The following DNAI4 variants were observed in gnomAD, a reference collection of about 807,000 sequenced individuals.
DNAI4 encodes the protein dynein axonemal intermediate chain 4, also known as WD repeat domain 78.
Under a neutral mutation model 105.8 loss-of-function variants are expected in DNAI4, and 85 were observed. That is an observed-to-expected ratio of 0.80 (90% CI 0.67 to 0.96). The LOEUF (loss-of-function observed/expected upper bound fraction) is 0.96. Among genes scored for constraint, DNAI4 ranks in the 40% least tolerant of loss-of-function variants. The pLI is 0.00. For missense variants in DNAI4, 1,014 were observed against 1,005.6 expected (o/e 1.01, Z -0.11); for synonymous variants, 352 against 331.5 (o/e 1.06, Z -0.67).
Position 66,847,650 on chromosome 1 carries a change from T to G in DNAI4, c.1125A>C (p.Ile375=). 1 of 1,612,334 alleles carries G rather than the reference T, an allele frequency of 6.2e-7. No individual in the cohort carries two copies. Among genetic ancestry groups the G allele is most frequent in the East Asian group, 2.2e-5 (1 of 44,838 alleles). The change falls in exon 8 of 17, where the codon ATA becomes ATC. Residue 375 remains isoleucine (I), a synonymous_variant. Coordinates refer to ENST00000371026, the MANE Select transcript of DNAI4 (RefSeq NM_024763.5). The stretch of plus-strand genomic sequence containing the variant: ...GGATTTTTGCCAGAATTACATTTTC[T>G]ATGTCCATTAGAGAACTAGTTTCAC... ...KNSETSSLMD[I]ENVILAKIHE...
At chr1:66,898,220 C>A (rs1183454742) in intron 2 of DNAI4, among the ~76,000 whole-genome samples, 1 of 151,834 alleles carries the variant, frequency 6.6e-6, no homozygotes, top group Non-Finnish European at 1.5e-5. Flanking sequence ...ACCATTGTAT[C>A]TTGGAAGTAA....
At chr1:66,913,232 A>G (rs2100868920) in intron 1 of DNAI4, among the ~76,000 whole-genome samples, 1 of 152,204 alleles carries the variant, frequency 6.6e-6, no homozygotes, top group Non-Finnish European at 1.5e-5. Flanking sequence ...AGCTGGTCTT[A>G]ATTTCTCCTC....
At position 66,893,058 on chromosome 1, in the gene DNAI4, AGAGAG is replaced by A. The variant is rs1557965230; in HGVS notation, c.530+166_530+170del. Among the ~76,000 whole-genome samples, 322 of 100,548 alleles carry A rather than the reference AGAGAG, an allele frequency of 3.2e-3. 21 individuals carry two copies. The highest frequency in any genetic ancestry group is 0.012 in the African/African-American group (301 of 25,256). 66.0% of individuals were successfully genotyped at this position (100,548 alleles called of 152,430 possible). A position where few individuals can be genotyped will look rare whatever the true frequency, so the allele number is the denominator to read the frequency against. ...AGGAAAGAAAGAAAGAAAGAAAGAGAGAGAGAGAAAGAAAGAAAGAAAGAAAGAAA... is the reference window on the plus strand; with the variant it reads ...AGGAAAGAAAGAAAGAAAGAAAGAGAAGAAAGAAAGAAAGAAAGAAAGAAA... On this transcript the variant is annotated intron_variant, in intron 3 of 16. Coordinates refer to ENST00000371026, the MANE Select transcript of DNAI4 (RefSeq NM_024763.5).
At chr1:66,871,567 C>T (rs1233593646) in intron 5 of DNAI4, 58 bp from the exon 6 acceptor site, 2 of 1,419,382 alleles carry the variant, frequency 1.4e-6, no homozygotes, top group Non-Finnish European at 1.9e-6. Context: ...CACGTATTAT[C>T]TCTTTATATT....
intron 5 of DNAI4, among the ~76,000 whole-genome samples, chr1:66,872,243 T>TATTC (rs1646863353): frequency 6.6e-6 from 1 of 151,854 alleles, no homozygotes; most frequent in Non-Finnish European, 1.5e-5. Context: ...TTTATTTATT[T>TATTC]ATTGAGACGG....
rs1018590762 is a variant in DNAI4 at position 66,835,887 on chromosome 1, A to G, written c.1582-110T>C. 7.9e-6 allele frequency: 7 copies of G among 882,060 alleles called. No individual in the cohort carries two copies. In the African/African-American group the frequency reaches 1.0e-4, roughly 13 times the overall value. The allele number at this position is 882,060 out of a possible 1,614,324, so 54.6% of individuals were successfully genotyped here. On this transcript the variant is annotated intron_variant, in intron 10 of 16. Coordinates refer to ENST00000371026, the MANE Select transcript of DNAI4 (RefSeq NM_024763.5). The stretch of plus-strand genomic sequence containing the variant: ...TGGCAGTGGGTATGTGAGCAGAGTT[A>G]GCCCACATTCAGTTACTTCTGTCTT...
intron 5 of DNAI4, among the ~76,000 whole-genome samples, chr1:66,873,437 G>C (rs868770122): frequency 2.0e-4 from 31 of 151,396 alleles, no homozygotes; most frequent in African/African-American, 7.2e-4. Context: ...AAAAATTGTG[G>C]AGATAGGGCT....
At chr1:66,865,611 C>A (rs1646716661) in intron 6 of DNAI4, among the ~76,000 whole-genome samples, 2 of 152,136 alleles carry the variant, frequency 1.3e-5, no homozygotes, top group South Asian at 4.2e-4. Context: ...CTTGCTAATT[C>A]TTCCTTCCAG....
chr1:66,837,830 G>A (rs370029919), intron 9 of DNAI4, 34 bp from the exon 10 acceptor site: 77 of 1,548,874 alleles, frequency 5.0e-5, no homozygotes, highest in Admixed American at 2.3e-4. Context: ...AAAAATAAGA[G>A]AAGATAGCAT....
intron 6 of DNAI4, among the ~76,000 whole-genome samples, chr1:66,866,381 A>G (rs1646734437): frequency 1.3e-5 from 2 of 152,250 alleles, no homozygotes; most frequent in South Asian, 4.1e-4. Flanking sequence ...TAATGTACCT[A>G]AGTATTCTGT....
In DNAI4 at chr1:66,836,363, A is replaced by G. The variant is rs574145228; in HGVS notation, c.1582-586T>C. On this transcript the variant is annotated intron_variant, in intron 10 of 16. Transcript: ENST00000371026. ...AGGAAGGGAGGAAAGTAGGAAGGGA[A>G]GTACAGCACAGCCTTCTACAATAAT... Among the ~76,000 whole-genome samples the G allele has an allele frequency of 1.4e-4, 21 of 151,962 alleles. No homozygotes were observed. In the South Asian group the frequency reaches 2.3e-3, roughly 17 times the overall value.
intron 7 of DNAI4, among the ~76,000 whole-genome samples, chr1:66,849,964 G>T (rs1170455887): frequency 6.6e-6 from 1 of 152,022 alleles, no homozygotes; most frequent in Non-Finnish European, 1.5e-5. Flanking sequence ...ATCATCCGAG[G>T]ATTGGAGGAA....
intron 6 of DNAI4, among the ~76,000 whole-genome samples, chr1:66,863,907 T>C (rs929355405): frequency 1.3e-5 from 2 of 152,228 alleles, no homozygotes; most frequent in African/African-American, 4.8e-5. Context: ...TGAAGAGAAC[T>C]TAGAAATTAC....
At chr1:66,826,200 T>A (rs1645749263) in intron 15 of DNAI4, among the ~76,000 whole-genome samples, 1 of 152,218 alleles carries the variant, frequency 6.6e-6, no homozygotes, top group Non-Finnish European at 1.5e-5. Context: ...TGCCTGTGTA[T>A]GTTTCTCTAA....
At chr1:66,893,517 T>G in intron 2 of DNAI4, 104 bp from the exon 3 acceptor site, 1 of 740,276 alleles carries the variant, frequency 1.4e-6, no homozygotes, top group Admixed American at 3.6e-5. Flanking sequence ...AAGATTAGTA[T>G]AATGCTCCTA....
intron 15 of DNAI4, among the ~76,000 whole-genome samples, chr1:66,824,530 C>T (rs2100350830): frequency 6.6e-6 from 1 of 151,936 alleles, no homozygotes; most frequent in South Asian, 2.1e-4. Flanking sequence ...ATTGATTCTT[C>T]CTACCCATGA....
At chr1:66,896,211 C>T (rs1281959422) in intron 2 of DNAI4, among the ~76,000 whole-genome samples, 1 of 152,152 alleles carries the variant, frequency 6.6e-6, no homozygotes, top group African/African-American at 2.4e-5. Context: ...TCTTTAATAG[C>T]TTCCAGTTTT....
Position 66,836,212 on chromosome 1 carries a change from GAGAGAGAGAGAGAGAGAGAGAGAAAGAA to G in DNAI4, c.1582-463_1582-436del, listed in dbSNP as rs1557908375. Among the ~76,000 whole-genome samples the G allele has an allele frequency of 1.8e-3, 157 of 85,296 alleles. 1 individual carries two copies. Among genetic ancestry groups the G allele is most frequent in the African/African-American group, 5.3e-3 (133 of 24,970 alleles). 56.0% of individuals were successfully genotyped at this position (85,296 alleles called of 152,430 possible). A position where few individuals can be genotyped will look rare whatever the true frequency, so the allele number is the denominator to read the frequency against. On this transcript the variant is annotated intron_variant, in intron 10 of 16. Coordinates refer to ENST00000371026, the MANE Select transcript of DNAI4 (RefSeq NM_024763.5). Reference sequence around the variant, plus strand: ...AGAAAGAAAGAAAGAAAGAAAGAGAGAGAGAGAGAGAGAGAGAGAGAGAAAGAAAGAAAGAGAGAGAGAGAAAGAAAGA... The same window carrying G: ...AGAAAGAAAGAAAGAAAGAAAGAGAGAGAAAGAGAGAGAGAGAAAGAAAGA...
intron 9 of DNAI4, 69 bp from the exon 10 acceptor site, chr1:66,837,865 A>G (rs1212933002): frequency 5.2e-6 from 7 of 1,346,202 alleles, no homozygotes; most frequent in Admixed American, 4.6e-5. Flanking sequence ...ATGTATAAAG[A>G]TATATATTAA....
Sources: allele counts gnomAD v4.1 joint callset (sites outside exome capture counted in the v4.1 genomes callset), GRCh38; gene constraint gnomAD v4.1.1; transcripts MANE v1.5; gene names NCBI Gene and HGNC (gene_info 2026-07-23, HGNC 2026-07-21).